Variants in PCDHGA2 observed in about 807,000 individuals in gnomAD.
PCDHGA2 encodes protocadherin gamma-A2.
Under a neutral mutation model 59.2 loss-of-function variants are expected in PCDHGA2, and 40 were observed. The ratio of observed to expected loss-of-function variants is 0.68; its 90% confidence interval spans 0.52 to 0.88. The LOEUF (loss-of-function observed/expected upper bound fraction) is 0.88. PCDHGA2 is among the 40% of genes least tolerant of loss of function. PCDHGA2 has a pLI of 0.00. For missense variants in PCDHGA2, 1,226 were observed against 1,204.0 expected, an observed-to-expected ratio of 1.02 and a Z score of -0.27; for synonymous variants, 560 against 526.0, an observed-to-expected ratio of 1.06 and a Z score of -0.89.
intron 1 of PCDHGA2, among the ~76,000 whole-genome samples, chr5:141,446,824 A>T (rs973108119): frequency 1.3e-5 from 2 of 152,156 alleles, no homozygotes; most frequent in African/African-American, 4.8e-5. Flanking sequence ...AGATGGGTAG[A>T]TCCTTATAAG....
chr5:141,423,095 A>ACG (rs2096709208), intron 1 of PCDHGA2: 4 of 1,613,860 alleles, frequency 2.5e-6, no homozygotes, highest in African/African-American at 2.7e-5. Flanking sequence ...GTGGGGGAGC[A>ACG]CACGGGCGAG....
chr5:141,352,438 T>C, intron 1 of PCDHGA2: 1 of 1,614,018 alleles, frequency 6.2e-7, no homozygotes, highest in Non-Finnish European at 8.5e-7. Flanking sequence ...TTCAAACCGG[T>C]CTCTGCTCCA....
At chr5:141,458,519 T>C (rs974750749) in intron 1 of PCDHGA2, among the ~76,000 whole-genome samples, 1 of 152,110 alleles carries the variant, frequency 6.6e-6, no homozygotes, top group Non-Finnish European at 1.5e-5. Context: ...CTTTGTTTTT[T>C]TTTTTAACTT....
chr5:141,446,260 TA>T (rs1207497940), intron 1 of PCDHGA2, among the ~76,000 whole-genome samples: 4 of 152,130 alleles, frequency 2.6e-5, no homozygotes, highest in Non-Finnish European at 4.4e-5. Context: ...GAAATATTAT[TA>T]ACTGAATAAA....
At chr5:141,455,860 ATTATTTATTTATTTATTTATTTAT>A (rs145569377) in intron 1 of PCDHGA2, among the ~76,000 whole-genome samples, 10 of 139,848 alleles carry the variant, frequency 7.2e-5, no homozygotes, top group Admixed American at 5.1e-4. Flanking sequence ...AATTTCTTTT[ATTATTTATTTATTTATTTATTTAT>A]TTATTTATTT....
At position 141,340,579 on chromosome 5, in the gene PCDHGA2, C is replaced by G; in HGVS notation, c.1608C>G (p.Asp536Glu). ...TGCAAGTGTGGGTGATAGCGCGGGACAGCGGGAACCCTCCACTCAGTAGCA... is the reference window on the plus strand; with the variant it reads ...TGCAAGTGTGGGTGATAGCGCGGGAGAGCGGGAACCCTCCACTCAGTAGCA... The part of the protein sequence containing the change: ...RDLQVWVIAR[D>E]SGNPPLSSNV... The change falls in exon 1 of 4, where the codon GAC becomes GAG. Residue 536 changes from aspartate to glutamate, a missense_variant. Physicochemically the swap from Asp to Glu is conservative, Grantham distance 45. Transcript: ENST00000394576. The G allele has an allele frequency of 2.5e-6, 4 of 1,614,226 alleles. No homozygotes were observed. Among genetic ancestry groups the G allele is most frequent in the Non-Finnish European group, 2.5e-6 (3 of 1,180,040 alleles).
In PCDHGA2 at chr5:141,431,183, A is replaced by G. The variant is rs1467232519; in HGVS notation, c.2425-63624A>G. Reference sequence around the variant, plus strand: ...TCGTGAAAGTGAATTAGAAATAAAAATTAGTGAAAATGCAGCCACTGAGAT... The same window carrying G: ...TCGTGAAAGTGAATTAGAAATAAAAGTTAGTGAAAATGCAGCCACTGAGAT... On this transcript the variant is annotated intron_variant, in intron 1 of 3. Transcript: ENST00000394576. The surrounding 1 kb of genome is among the most constrained non-coding windows in gnomAD (Gnocchi z 4.8). 1 of 1,614,218 alleles carries G rather than the reference A, an allele frequency of 6.2e-7. No individual in the cohort carries two copies. The highest frequency in any genetic ancestry group is 2.2e-5 in the East Asian group (1 of 44,880).
intron 1 of PCDHGA2, among the ~76,000 whole-genome samples, chr5:141,386,156 G>A (rs3806832): frequency 0.081 from 12,379 of 152,152 alleles, 653 homozygotes; most frequent in African/African-American, 0.15. Context: ...ACTGTCTCAC[G>A]TACTCAAACC....
intron 1 of PCDHGA2, chr5:141,372,919 A>G (rs1404152823): frequency 2.0e-6 from 2 of 1,017,920 alleles, no homozygotes; most frequent in Non-Finnish European, 2.8e-6. Flanking sequence ...TATTTTATTG[A>G]TTTTCTGGTG....
intron 1 of PCDHGA2, chr5:141,350,594 A>C: frequency 6.2e-7 from 1 of 1,614,004 alleles, no homozygotes; most frequent in Non-Finnish European, 8.5e-7. Context: ...AAACCCAATG[A>C]ATGTTTTCCA....
At chr5:141,376,807 C>T in intron 1 of PCDHGA2, 1 of 328,760 alleles carries the variant, frequency 3.0e-6, no homozygotes, top group Admixed American at 4.7e-5. Context: ...CTGCCTCAGC[C>T]TCCCTAGTAG....
intron 1 of PCDHGA2, among the ~76,000 whole-genome samples, chr5:141,354,389 C>A (rs971076627): frequency 1.3e-5 from 2 of 152,144 alleles, no homozygotes; most frequent in Non-Finnish European, 2.9e-5. Flanking sequence ...TAGCTTGTGG[C>A]CAAGAATCTA....
chr5:141,432,919 C>T lies in PCDHGA2; in HGVS notation c.2425-61888C>T. ...TGGCGCTCAGGCTGCGGCGCTGGCACAAGTCACGCCTGCTGCAGGCTTCAG... is the reference window on the plus strand; with the variant it reads ...TGGCGCTCAGGCTGCGGCGCTGGCATAAGTCACGCCTGCTGCAGGCTTCAG... On this transcript the variant is annotated intron_variant, in intron 1 of 3. Coordinates refer to ENST00000394576, the MANE Select transcript of PCDHGA2 (RefSeq NM_018915.4). The surrounding 1 kb of genome is among the most constrained non-coding windows in gnomAD (Gnocchi z 6.0). The T allele has an allele frequency of 2.5e-6, 4 of 1,614,210 alleles. No individual in the cohort carries two copies. Among genetic ancestry groups the T allele is most frequent in the Non-Finnish European group, 3.4e-6 (4 of 1,180,040 alleles).
At chr5:141,399,670 GCCTTTGACTACGAGCAGCTGCGCA>G (rs758329241) in intron 1 of PCDHGA2, 2 of 1,613,610 alleles carry the variant, frequency 1.2e-6, no homozygotes, top group East Asian at 4.5e-5. Context: ...CGCGCAGCGC[GCCTTTGACTACGAGCAGCTGCGCA>G]CCTTCGAACT....
At chr5:141,474,754 T>C (rs1351752958) in intron 1 of PCDHGA2, among the ~76,000 whole-genome samples, 4 of 152,228 alleles carry the variant, frequency 2.6e-5, no homozygotes, top group Non-Finnish European at 4.4e-5. Flanking sequence ...CCAAGACAAA[T>C]ATACAGAAAT....
intron 1 of PCDHGA2, chr5:141,392,833 GC>G (rs922844407): frequency 1.2e-6 from 2 of 1,604,258 alleles, no homozygotes; most frequent in Non-Finnish European, 1.7e-6. Context: ...CCACAGAGTC[GC>G]CCCAGACGCG....
rs768994533 is a variant in PCDHGA2 at position 141,486,589 on chromosome 5, C to G, written c.2425-8218C>G. On this transcript the variant is annotated intron_variant, in intron 1 of 3. Transcript: ENST00000394576. This position sits in a 1 kb window ranked among gnomAD's most constrained non-coding sequence, Gnocchi z 5.0. Reference sequence around the variant, plus strand: ...TTCCTGAGAACAATCGCCCAGGGGACCTGCTTTGCTCCCTTGCAGCCTCTG... The same window carrying G: ...TTCCTGAGAACAATCGCCCAGGGGAGCTGCTTTGCTCCCTTGCAGCCTCTG... 1 of 1,613,676 alleles carries G rather than the reference C, an allele frequency of 6.2e-7. No individual in the cohort carries two copies. Among genetic ancestry groups the G allele is most frequent in the Non-Finnish European group, 8.5e-7 (1 of 1,179,996 alleles).
rs1254227812 is a variant in PCDHGA2, at chr5:141,357,331, C to T, written c.2424+15936C>T. Reference sequence around the variant, plus strand: ...CGTCTTCCTGGCTTTTGTCACGGTGCTGCTAGCACTCAAGCTGAGACGCTG... The same window carrying T: ...CGTCTTCCTGGCTTTTGTCACGGTGTTGCTAGCACTCAAGCTGAGACGCTG... On this transcript the variant is annotated intron_variant, in intron 1 of 3. Coordinates refer to ENST00000394576, the MANE Select transcript of PCDHGA2 (RefSeq NM_018915.4). 2.5e-6 allele frequency: 4 copies of T among 1,614,098 alleles called. No homozygotes were observed. The Admixed American group carries it at 5.0e-5, about 20-fold the overall frequency.
chr5:141,478,210 A>G, intron 1 of PCDHGA2: 1 of 1,614,064 alleles, frequency 6.2e-7, no homozygotes, highest in East Asian at 2.2e-5. Flanking sequence ...TTCTTTCTCT[A>G]ATCCTGGTTT....
Sources: allele counts gnomAD v4.1 joint callset (sites outside exome capture counted in the v4.1 genomes callset), GRCh38; gene constraint gnomAD v4.1.1; non-coding constraint Gnocchi (gnomAD v3.1); transcripts MANE v1.5; gene names NCBI Gene and HGNC (gene_info 2026-07-23, HGNC 2026-07-21).